ITPR2: variants seen among roughly 807,000 people sequenced by gnomAD.
ITPR2 encodes the protein inositol 1,4,5-trisphosphate receptor type 2.
A neutral mutation model predicts 317.1 loss-of-function variants in ITPR2; 207 were observed. The ratio of observed to expected loss-of-function variants is 0.65; its 90% CI spans 0.58 to 0.73. The LOEUF (loss-of-function observed/expected upper bound fraction) is 0.73. ITPR2 is among the 30% of genes least tolerant of loss of function. ITPR2 has a pLI of 0.00. For synonymous variants in ITPR2, 1,156 were observed against 1,149.1 expected (o/e 1.01, Z -0.12); for missense variants, 2,613 against 3,284.0 (o/e 0.80, Z 4.99).
Position 26,724,683 on chromosome 12 carries a change from T to A in ITPR2, c.339A>T (p.Glu113Asp). ...GTATAACATTACTGTATTTTACAAT[T>A]TCTCCCAACAGTTTCTTATTCTCCG... ...NESENKKLLG[E>D]IVKYSNVIQL... is the part of the protein sequence containing the mutation. The change falls in exon 4 of 57, where the codon GAA becomes GAT. Residue 113 changes from glutamate to aspartate, a missense_variant. Physicochemically the swap from Glu to Asp is conservative, Grantham distance 45. This residue lies in a region of ITPR2 where 515 missense variants were observed against 789.4 expected (regional missense o/e 0.65). Coordinates refer to ENST00000381340, the MANE Select transcript of ITPR2 (RefSeq NM_002223.4). 1 of 1,600,834 alleles carries A rather than the reference T, an allele frequency of 6.2e-7. No homozygotes were observed. Among genetic ancestry groups the A allele is most frequent in the Non-Finnish European group, 8.5e-7 (1 of 1,169,700 alleles).
chr12:26,588,785 C>T (rs1945606085), intron 32 of ITPR2, among the ~76,000 whole-genome samples: 1 of 152,174 alleles, frequency 6.6e-6, no homozygotes, highest in Admixed American at 6.5e-5. Context: ...TAACCAGTGA[C>T]TGATGGGATA....
Position 26,621,155 on chromosome 12 carries a change from T to C in ITPR2, c.3430A>G (p.Ser1144Gly), listed in dbSNP as rs770006084. 4 of 1,613,734 alleles carry C rather than the reference T, an allele frequency of 2.5e-6. No individual in the cohort carries two copies. In the South Asian group the frequency reaches 3.3e-5, roughly 13 times the overall value. Residue 1144 changes from serine (S) to glycine (G), a missense_variant, in exon 26 of 57, where the codon AGT becomes GGT. Physicochemically the swap from Ser to Gly is moderately conservative, Grantham distance 56. Coordinates refer to ENST00000381340, the MANE Select transcript of ITPR2 (RefSeq NM_002223.4). ...SNYENGEIGE[S>G]QVKGGEEPIE... ...GGCTCTTCACCACCTTTCACTTGAC[T>C]TTCCCCTATTTCTCCATTCTCATAG...
intron 20 of ITPR2, among the ~76,000 whole-genome samples, chr12:26,654,508 T>A (rs779004347): frequency 2.1e-4 from 32 of 152,218 alleles, no homozygotes; most frequent in South Asian, 2.1e-4. Flanking sequence ...ATGTTCCCTA[T>A]GCTGCTTTGT....
intron 53 of ITPR2, among the ~76,000 whole-genome samples, chr12:26,399,495 C>A (rs74392763): frequency 0.033 from 5,017 of 152,274 alleles, 225 homozygotes; most frequent in African/African-American, 0.1. Flanking sequence ...CTTCTTATTT[C>A]TTCCTGATGA....
At chr12:26,447,636 T>C (rs1197817421) in intron 45 of ITPR2, among the ~76,000 whole-genome samples, 1 of 151,958 alleles carries the variant, frequency 6.6e-6, no homozygotes, top group African/African-American at 2.4e-5. Context: ...ACCCAGTCAA[T>C]GTTGAAAGGA....
chr12:26,400,374 A>C (rs1940136063), intron 52 of ITPR2, 116 bp from the exon 53 acceptor site: 2 of 422,304 alleles, frequency 4.7e-6, no homozygotes, highest in Admixed American at 8.6e-5. Flanking sequence ...TAAGTATGTA[A>C]ATTTATACAC....
chr12:26,575,830 A>G (rs1945262687), intron 34 of ITPR2, among the ~76,000 whole-genome samples: 1 of 152,234 alleles, frequency 6.6e-6, no homozygotes. Context: ...CTGAAGTCAG[A>G]ATTCAGAAAG....
intron 1 of ITPR2, among the ~76,000 whole-genome samples, chr12:26,806,897 C>T (rs1420119443): frequency 1.3e-5 from 2 of 152,164 alleles, no homozygotes; most frequent in Non-Finnish European, 2.9e-5. Context: ...GCATTTGAAT[C>T]ACCCTAAGGG....
At chr12:26,556,565 TTTGTGTGTGTG>T (rs1944668149) in intron 35 of ITPR2, among the ~76,000 whole-genome samples, 190 bp from the exon 36 acceptor site, 1 of 105,300 alleles carries the variant, frequency 9.5e-6, no homozygotes, top group East Asian at 2.2e-4. Flanking sequence ...TATTTTTTTT[TTTGTGTGTGTG>T]TGTGTGTGTG....
At chr12:26,615,113 A>G (rs962897338) in intron 26 of ITPR2, among the ~76,000 whole-genome samples, 1 of 152,218 alleles carries the variant, frequency 6.6e-6, no homozygotes, top group Non-Finnish European at 1.5e-5. Flanking sequence ...CTGCTCTAAA[A>G]ATGAAGTCAA....
intron 2 of ITPR2, among the ~76,000 whole-genome samples, chr12:26,751,400 C>T (rs1261806097): frequency 1.3e-5 from 2 of 152,112 alleles, no homozygotes; most frequent in African/African-American, 4.8e-5. Context: ...TTTACAGTTA[C>T]TGTGGCATAA....
rs114854467 is a variant in ITPR2 at position 26,708,432 on chromosome 12, T to G, written c.951+2741A>C. The stretch of plus-strand genomic sequence containing the variant: ...TATTCAGCCATAAAAAAGAACGAGA[T>G]CCTGTCATTTGCAACAATATGGATA... On this transcript the variant is annotated intron_variant, in intron 9 of 56. Coordinates refer to ENST00000381340, the MANE Select transcript of ITPR2 (RefSeq NM_002223.4). 1.8e-3 allele frequency among the ~76,000 whole-genome samples: 274 copies of G among 152,264 alleles called. 1 individual carries two copies. Among genetic ancestry groups the G allele is most frequent in the African/African-American group, 6.3e-3 (263 of 41,542 alleles).
intron 48 of ITPR2, among the ~76,000 whole-genome samples, chr12:26,429,066 G>A (rs1941139042): frequency 6.6e-6 from 1 of 152,128 alleles, no homozygotes. Context: ...CACCTCAAGG[G>A]CTTGATATGC....
At position 26,817,641 on chromosome 12, in the gene ITPR2, T is replaced by C. The variant is rs145060914; in HGVS notation, c.92+15049A>G. ...ATTCTCCTGCTTCAAAATCCTTCAA[T>C]AGCTTCCCATTACCTAATAGGGAAT... On this transcript the variant is annotated intron_variant, in intron 1 of 56. Transcript: ENST00000381340. 1.4e-4 allele frequency among the ~76,000 whole-genome samples: 22 copies of C among 152,318 alleles called. 1 individual carries two copies. In the East Asian group the frequency reaches 3.3e-3, roughly 23 times the overall value.
intron 37 of ITPR2, among the ~76,000 whole-genome samples, chr12:26,518,983 G>C (rs904649326): frequency 6.6e-6 from 1 of 151,946 alleles, no homozygotes; most frequent in Admixed American, 6.6e-5. Context: ...TATCAAAATT[G>C]AACCCAAAAG....
At chr12:26,785,171 TGG>T (rs777528638) in intron 2 of ITPR2, among the ~76,000 whole-genome samples, 711 of 22,056 alleles carry the variant, frequency 0.032, 15 homozygotes, top group African/African-American at 0.076. Flanking sequence ...GGGAGGGAGG[TGG>T]GGGGGGGTCA....
chr12:26,641,344 C>T (rs1216996392), intron 21 of ITPR2, among the ~76,000 whole-genome samples: 1 of 151,470 alleles, frequency 6.6e-6, no homozygotes, highest in Non-Finnish European at 1.5e-5. Context: ...TCTTGGGAAA[C>T]TTGGAAAAAG....
chr12:26,753,550 C>T (rs1441379905), intron 2 of ITPR2, among the ~76,000 whole-genome samples: 1 of 152,176 alleles, frequency 6.6e-6, no homozygotes, highest in African/African-American at 2.4e-5. Flanking sequence ...AGTAACTCGC[C>T]TTCCCCACCC....
At chr12:26,565,470 AATAG>A (rs917083292) in intron 34 of ITPR2, among the ~76,000 whole-genome samples, 3 of 150,550 alleles carry the variant, frequency 2.0e-5, no homozygotes, top group African/African-American at 4.9e-5. Flanking sequence ...AAATTGGATG[AATAG>A]ATAGACAGAT....
Sources: gnomAD v4.1 joint callset for allele counts (sites outside exome capture counted in the v4.1 genomes callset) on GRCh38, gnomAD v4.1.1 for gene constraint, gnomAD v4.1.1 regional missense constraint, MANE v1.5 for transcripts, NCBI Gene and HGNC (gene_info 2026-07-23, HGNC 2026-07-21) for gene names.